AHNAK: variants seen among roughly 807,000 people sequenced by gnomAD.
AHNAK encodes neuroblast differentiation-associated protein AHNAK.
A neutral mutation model predicts 37.8 loss-of-function variants in AHNAK; 23 were observed. That is an observed-to-expected ratio of 0.61 (90% confidence interval 0.44 to 0.86). The LOEUF (loss-of-function observed/expected upper bound fraction) is 0.86. Ranked by LOEUF, AHNAK falls within the 40% of genes least tolerant of loss-of-function variation. AHNAK has a pLI of 0.00. For synonymous variants in AHNAK, 2,481 were observed against 2,636.3 expected (o/e 0.94, Z 1.80); for missense variants, 7,411 against 7,319.4 (o/e 1.01, Z -0.46).
At chr11:62,535,595 C>A (rs906730838) in intron 3 of AHNAK, among the ~76,000 whole-genome samples, 4 of 151,484 alleles carry the variant, frequency 2.6e-5, no homozygotes, top group Admixed American at 2.0e-4. Flanking sequence ...TTGCAGTGAG[C>A]TGAGATAGCG....
In AHNAK at chr11:62,533,048, T is replaced by C. The variant is rs200335354; in HGVS notation, c.1369A>G (p.Thr457Ala). ...EETGIDVTLP[T>A]GEVTVPGVSG... ...ACCCCAGGAACAGTCACTTCACCTG[T>C]AGGCAGTGTCACATCAATCCCAGTT... is the stretch of plus-strand genomic sequence containing the variant. The change falls in exon 5 of 5, where the codon ACA becomes GCA. Residue 457 changes from threonine (T) to alanine (A), a missense_variant. Thr to Ala is a moderately conservative substitution (Grantham distance 58, BLOSUM62 0). Transcript: ENST00000378024. 144 of 1,612,258 alleles carry C rather than the reference T, an allele frequency of 8.9e-5. No homozygotes were observed. The highest frequency in any genetic ancestry group is 1.1e-4 in the Non-Finnish European group (130 of 1,179,448).
chr11:62,485,854 C>A (rs1205932158), intron 5 of AHNAK, among the ~76,000 whole-genome samples: 1 of 150,912 alleles, frequency 6.6e-6, no homozygotes, highest in Non-Finnish European at 1.5e-5. Flanking sequence ...CTCATCTCTG[C>A]TAAAAAATAA....
At chr11:62,444,674 C>T (rs1387499099) in intron 5 of AHNAK, among the ~76,000 whole-genome samples, 3 of 152,240 alleles carry the variant, frequency 2.0e-5, no homozygotes, top group African/African-American at 7.2e-5. Flanking sequence ...ACATCTGACG[C>T]CCCTTTCCCA....
At chr11:62,443,204 C>T (rs191778527) in intron 5 of AHNAK, among the ~76,000 whole-genome samples, 1 of 151,158 alleles carries the variant, frequency 6.6e-6, no homozygotes, top group East Asian at 2.0e-4. Flanking sequence ...TCTCGAACTC[C>T]TGGCTTCATG....
Position 62,535,089 on chromosome 11 carries a change from G to C in AHNAK, c.256C>G (p.Leu86Val). 2.5e-6 allele frequency: 4 copies of C among 1,614,080 alleles called. No homozygotes were observed. The highest frequency in any genetic ancestry group is 3.4e-6 in the Non-Finnish European group (4 of 1,179,984). Residue 86 changes from leucine (L) to valine (V), a missense_variant, in exon 4 of 5, where the codon CTG becomes GTG. Physicochemically the swap from Leu to Val is conservative, Grantham distance 32 (BLOSUM62 1). Transcript: ENST00000378024. ...TMGHHTVGLK[L>V]HRKGDRSPEP... Reference sequence around the variant, plus strand: ...GGAGAGCGGTCCCCCTTGCGGTGCAGCTTCAGGCCCACCGTGTGGTGCCCC... The same window carrying C: ...GGAGAGCGGTCCCCCTTGCGGTGCACCTTCAGGCCCACCGTGTGGTGCCCC...
intron 5 of AHNAK, among the ~76,000 whole-genome samples, chr11:62,439,701 A>G (rs3017083): frequency 0.089 from 11,392 of 127,462 alleles, 1,591 homozygotes; most frequent in African/African-American, 0.31. Flanking sequence ...GGAGTCTCAC[A>G]CTAGCATCCA....
At chr11:62,464,973 A>G (rs1225312139) in intron 5 of AHNAK, among the ~76,000 whole-genome samples, 1 of 152,108 alleles carries the variant, frequency 6.6e-6, no homozygotes, top group Non-Finnish European at 1.5e-5. Context: ...ACAGTCGGGA[A>G]CCCCTTTTGA....
intron 1 of AHNAK, among the ~76,000 whole-genome samples, chr11:62,546,293 C>A (rs1022028605): frequency 2.0e-5 from 3 of 152,204 alleles, no homozygotes; most frequent in East Asian, 1.9e-4. Context: ...ACGAACGGAG[C>A]AGCCCCCGAG....
chr11:62,486,935 T>C (rs1939407797), intron 5 of AHNAK, among the ~76,000 whole-genome samples: 1 of 151,184 alleles, frequency 6.6e-6, no homozygotes, highest in South Asian at 2.1e-4. Context: ...GGCTTCAGAA[T>C]AGAGAGAGAG....
chr11:62,522,501 A>G lies in AHNAK; in HGVS notation c.11916T>C (p.Val3972=). 1 of 1,613,366 alleles carries G rather than the reference A, an allele frequency of 6.2e-7. No homozygotes were observed. The highest frequency in any genetic ancestry group is 8.5e-7 in the Non-Finnish European group (1 of 1,179,912). Residue 3972 remains valine, a synonymous_variant, in exon 5 of 5, where the codon GTT becomes GTC. Coordinates refer to ENST00000378024, the MANE Select transcript of AHNAK (RefSeq NM_001620.3). ...CTGGACCTTCAATATTCACATCTGGAACATCAACGTCCACCTTGGGTCCTG... is the reference window on the plus strand; with the variant it reads ...CTGGACCTTCAATATTCACATCTGGGACATCAACGTCCACCTTGGGTCCTG... ...DVSGPKVDVD[V]PDVNIEGPDA...
intron 4 of AHNAK, among the ~76,000 whole-genome samples, chr11:62,510,389 T>A (rs1200522797): frequency 1.3e-5 from 2 of 152,098 alleles, no homozygotes; most frequent in Non-Finnish European, 2.9e-5. Flanking sequence ...CTGAAGTATT[T>A]ATGGGTAAAG....
In AHNAK at chr11:62,522,497, C is replaced by G. The variant is rs200558403; in HGVS notation, c.11920G>C (p.Asp3974His). ...GCATCTGGACCTTCAATATTCACAT[C>G]TGGAACATCAACGTCCACCTTGGGT... The part of the protein sequence containing the change: ...SGPKVDVDVP[D>H]VNIEGPDAKL... The change falls in exon 5 of 5, where the codon GAT (aspartate) becomes CAT (histidine). Residue 3974 changes from aspartate to histidine, a missense_variant. Coordinates refer to ENST00000378024, the MANE Select transcript of AHNAK (RefSeq NM_001620.3). 1 of 1,613,348 alleles carries G rather than the reference C, an allele frequency of 6.2e-7. No individual in the cohort carries two copies. Among genetic ancestry groups the G allele is most frequent in the Non-Finnish European group, 8.5e-7 (1 of 1,179,902 alleles).
rs1297026964 is a variant in AHNAK, at chr11:62,528,510, A to C, written c.5907T>G (p.Asp1969Glu). ...EVPDVELECP[D>E]AKLKGPKFKM... ...TAAACTTGGGCCCTTTCAACTTTGC[A>C]TCAGGACACTCCAGCTCAACATCAG... The change falls in exon 5 of 5, where the codon GAT becomes GAG. Residue 1969 changes from aspartate to glutamate, a missense_variant. By Grantham distance (45) the Asp-to-Glu change is conservative. Transcript: ENST00000378024. The C allele has an allele frequency of 3.7e-6, 6 of 1,612,024 alleles. No homozygotes were observed. The Admixed American group carries it at 6.7e-5, about 18-fold the overall frequency.
intron 5 of AHNAK, among the ~76,000 whole-genome samples, chr11:62,471,176 G>C (rs762446769): frequency 3.2e-4 from 49 of 152,298 alleles, no homozygotes; most frequent in Non-Finnish European, 5.4e-4. Flanking sequence ...CCCTGGAGCA[G>C]AGTTTCTTAA....
At chr11:62,490,093 G>A (rs1939475332) in intron 5 of AHNAK, among the ~76,000 whole-genome samples, 1 of 152,044 alleles carries the variant, frequency 6.6e-6, no homozygotes, top group African/African-American at 2.4e-5. Flanking sequence ...ATGAGGAAGA[G>A]GCGACAGGAA....
intron 5 of AHNAK, among the ~76,000 whole-genome samples, chr11:62,487,974 G>A (rs954409079): frequency 1.8e-4 from 27 of 152,172 alleles, no homozygotes; most frequent in African/African-American, 6.3e-4. Context: ...ATGATCAGGG[G>A]AAAGAGGCGT....
Position 62,450,121 on chromosome 11 carries a change from ATTATT to A in AHNAK, c.443-16235_443-16231del, listed in dbSNP as rs538721690. On this transcript the variant is annotated intron_variant, in intron 5 of 5. Coordinates refer to the AHNAK transcript ENST00000257247. Reference sequence around the variant, plus strand: ...CTTTTGTTTTATTTTATTTTATTTTATTATTTTATTTTATTTTATTTATTTTATTT... The same window carrying A: ...CTTTTGTTTTATTTTATTTTATTTTATTATTTTATTTTATTTATTTTATTT... Among the ~76,000 whole-genome samples, 411 of 146,104 alleles carry A rather than the reference ATTATT, an allele frequency of 2.8e-3. 3 individuals carry two copies. Among genetic ancestry groups the A allele is most frequent in the African/African-American group, 9.3e-3 (382 of 40,994 alleles).
At chr11:62,473,286 A>G (rs906823406) in intron 5 of AHNAK, among the ~76,000 whole-genome samples, 2 of 148,518 alleles carry the variant, frequency 1.3e-5, no homozygotes, top group Admixed American at 6.9e-5. Flanking sequence ...AATCCCAGCT[A>G]CTTGAGGGGC....
At chr11:62,451,704 T>C (rs1157493274) in intron 5 of AHNAK, among the ~76,000 whole-genome samples, 2 of 122,748 alleles carry the variant, frequency 1.6e-5, no homozygotes, top group Non-Finnish European at 3.2e-5. Context: ...ACCATTGCAC[T>C]CCAGCCTGGG....
Sources: gnomAD v4.1 joint callset for allele counts (sites outside exome capture counted in the v4.1 genomes callset) on GRCh38, gnomAD v4.1.1 for gene constraint, MANE v1.5 for transcripts, NCBI Gene and HGNC (gene_info 2026-07-23, HGNC 2026-07-21) for gene names.